FGF13: variants seen among roughly 807,000 people sequenced by gnomAD.
FGF13 encodes the protein fibroblast growth factor 13, also known as fibroblast growth factor homologous factor 2.
A neutral mutation model predicts 19.5 loss-of-function variants in FGF13; 2 were observed. That is an observed-to-expected ratio of 0.10 (90% CI 0.04 to 0.32). The LOEUF is 0.32. Ranked by LOEUF, FGF13 falls within the 10% of genes least tolerant of loss-of-function variation. The pLI, the probability that FGF13 is intolerant of heterozygous loss-of-function variation, is 1.00. For missense variants in FGF13, 113 were observed against 192.7 expected (o/e 0.59, Z 2.45); for synonymous variants, 72 against 76.9 (o/e 0.94, Z 0.33).
intron 1 of FGF13, among the ~76,000 whole-genome samples, chrX:138,981,130 C>A (rs1022911849): frequency 9.0e-6 from 1 of 111,086 alleles, no homozygotes; most frequent in Non-Finnish European, 1.9e-5. Flanking sequence ...AAAGGGACAT[C>A]TGAGGAGATT....
At chrX:138,947,156 A>G (rs188581300) in intron 1 of FGF13, among the ~76,000 whole-genome samples, 2 of 112,075 alleles carry the variant, frequency 1.8e-5, no homozygotes, top group African/African-American at 3.2e-5. Flanking sequence ...GGCAAGCTCA[A>G]AAACAAAGTG....
Position 139,019,301 on chromosome X carries a change from G to GAT in FGF13, c.-112-154653_-112-154652dup, listed in dbSNP as rs779507158. 2.7e-3 allele frequency among the ~76,000 whole-genome samples: 305 copies of GAT among 111,398 alleles called. 1 individual carries two copies. In the Middle Eastern group the frequency reaches 0.046, roughly 17 times the overall value. On this transcript the variant is annotated intron_variant, in intron 1 of 2. Transcript: ENST00000421460. ...TATACTTTGGATGTATGTTAGAAAA[G>GAT]ATACGGCATGGTTTTGTCTGTAAGA... is the stretch of plus-strand genomic sequence containing the variant.
At chrX:138,770,203 A>G (rs1228664752) in intron 3 of FGF13, among the ~76,000 whole-genome samples, 1 of 111,297 alleles carries the variant, frequency 9.0e-6, no homozygotes, top group Non-Finnish European at 1.9e-5. Flanking sequence ...GCTAGTCAAT[A>G]TTTTCGGCAC....
At chrX:139,201,833 C>T (rs1603238080) in intron 1 of FGF13, among the ~76,000 whole-genome samples, 1 of 112,040 alleles carries the variant, frequency 8.9e-6, no homozygotes, top group East Asian at 2.8e-4. Flanking sequence ...TTTGAAAATG[C>T]TCTAAATTCA....
chrX:138,687,908 C>CAAAA (rs1467004084), intron 3 of FGF13, among the ~76,000 whole-genome samples: 9 of 110,050 alleles, frequency 8.2e-5, no homozygotes, highest in Non-Finnish European at 1.1e-4. Flanking sequence ...CACAGGGAGA[C>CAAAA]AAATACTGCA....
chrX:138,962,437 C>T (rs759303561), intron 1 of FGF13, among the ~76,000 whole-genome samples: 5 of 112,010 alleles, frequency 4.5e-5, no homozygotes, highest in African/African-American at 6.5e-5. Context: ...ATCAGTGTGG[C>T]GATTCCTCAA....
At chrX:138,886,743 C>T (rs2091453523) in intron 1 of FGF13, among the ~76,000 whole-genome samples, 1 of 111,608 alleles carries the variant, frequency 9.0e-6, no homozygotes, top group Non-Finnish European at 1.9e-5. Flanking sequence ...TAAAATTCAG[C>T]AAGTATAAGC....
chrX:139,080,930 C>T, intron 1 of FGF13, among the ~76,000 whole-genome samples: 1 of 111,109 alleles, frequency 9.0e-6, no homozygotes, highest in East Asian at 2.8e-4. Context: ...CATGTCTATA[C>T]CACTGCATCA....
At chrX:138,725,849 A>G (rs901626344) in intron 1 of FGF13, among the ~76,000 whole-genome samples, 1 of 111,869 alleles carries the variant, frequency 8.9e-6, no homozygotes, top group African/African-American at 3.2e-5. Context: ...TTGCATTTGC[A>G]AAAGTAAGGA....
rs192937183 is a variant in FGF13 at position 139,045,661 on chromosome X, A to G, written c.-113+157755T>C. On this transcript the variant is annotated intron_variant, in intron 1 of 2. Transcript: ENST00000421460. ...AGAAATTTCTTTCACCAGATGCACT[A>G]AATCATTACTCTTTAGTTCAAACTT... 5.3e-5 allele frequency among the ~76,000 whole-genome samples: 6 copies of G among 112,317 alleles called. 1 individual carries two copies. The East Asian group carries it at 1.4e-3, about 26-fold the overall frequency.
chrX:138,684,966 A>G (rs2089764687), intron 3 of FGF13, among the ~76,000 whole-genome samples: 1 of 112,113 alleles, frequency 8.9e-6, no homozygotes, highest in Admixed American at 9.5e-5. Flanking sequence ...ACAAACCAAA[A>G]GAAGATCCTA....
At chrX:138,691,816 C>T (rs998213119) in intron 3 of FGF13, among the ~76,000 whole-genome samples, 10 of 112,010 alleles carry the variant, frequency 8.9e-5, no homozygotes, top group African/African-American at 3.2e-4. Flanking sequence ...AAGTAGTTAG[C>T]ATCAGATTAT....
At chrX:138,811,673 G>A (rs370098164) in intron 3 of FGF13, among the ~76,000 whole-genome samples, 55 of 110,956 alleles carry the variant, frequency 5.0e-4, no homozygotes, top group African/African-American at 1.8e-3. Flanking sequence ...ACACTGTATA[G>A]TAATTAACTG....
At chrX:138,818,494 G>GCACA (rs1396686091) in intron 3 of FGF13, among the ~76,000 whole-genome samples, 1 of 52,184 alleles carries the variant, frequency 1.9e-5, no homozygotes, top group African/African-American at 7.4e-5. Flanking sequence ...ATATATATAT[G>GCACA]CACAGACACA....
chrX:139,078,544 A>C (rs1231314963), intron 1 of FGF13, among the ~76,000 whole-genome samples: 3 of 112,925 alleles, frequency 2.7e-5, no homozygotes, highest in African/African-American at 9.6e-5. Flanking sequence ...GCTATTGCAC[A>C]ATCAAGAAGC....
chrX:138,730,027 A>G (rs772864570), intron 1 of FGF13, among the ~76,000 whole-genome samples: 1 of 112,318 alleles, frequency 8.9e-6, no homozygotes, highest in Non-Finnish European at 1.9e-5. Flanking sequence ...ATAAACACTA[A>G]AAGAAATGAA....
chrX:138,783,500 C>T (rs1303525900), intron 3 of FGF13, among the ~76,000 whole-genome samples: 6 of 95,194 alleles, frequency 6.3e-5, no homozygotes, highest in East Asian at 3.5e-4. Flanking sequence ...AAAAAGTGGG[C>T]GAAGGACATG....
At chrX:139,055,019 G>C (rs943747990) in intron 1 of FGF13, among the ~76,000 whole-genome samples, 2 of 111,194 alleles carry the variant, frequency 1.8e-5, no homozygotes, top group African/African-American at 6.6e-5. Flanking sequence ...CTACTGATTT[G>C]TGTATGTTAA....
intron 3 of FGF13, among the ~76,000 whole-genome samples, chrX:138,778,338 C>T (rs1310023044): frequency 9.0e-6 from 1 of 111,408 alleles, no homozygotes; most frequent in African/African-American, 3.3e-5. Flanking sequence ...GGAACAGCTC[C>T]GGTCTACAGC....
Sources: allele counts gnomAD v4.1 joint callset (sites outside exome capture counted in the v4.1 genomes callset), GRCh38; gene constraint gnomAD v4.1.1; transcripts MANE v1.5; gene names NCBI Gene and HGNC (gene_info 2026-07-23, HGNC 2026-07-21).